Variants in TENM2 observed in about 807,000 individuals in gnomAD.
TENM2 encodes teneurin transmembrane protein 2.
A neutral mutation model predicts 245.2 loss-of-function variants in TENM2; 52 were observed. The ratio of observed to expected loss-of-function variants is 0.21; its 90% CI spans 0.17 to 0.27. The LOEUF (loss-of-function observed/expected upper bound fraction) is 0.27. TENM2 is among the 10% of genes least tolerant of loss of function. The pLI is 1.00. For missense variants in TENM2, 3,046 were observed against 3,666.8 expected, an observed-to-expected ratio of 0.83 and a Z score of 4.37; for synonymous variants, 1,363 against 1,438.9, an observed-to-expected ratio of 0.95 and a Z score of 1.19.
the TENM2 span, among the ~76,000 whole-genome samples, chr5:167,244,825 T>C: frequency 1.3e-5 from 2 of 152,110 alleles, no homozygotes; most frequent in African/African-American, 4.8e-5. Context: ...CAGAGTGCCA[T>C]CCTGTGGCCT....
At chr5:167,709,980 G>A (rs920706038) in intron 2 of TENM2, among the ~76,000 whole-genome samples, 13 of 152,252 alleles carry the variant, frequency 8.5e-5, no homozygotes, top group East Asian at 1.9e-4. Flanking sequence ...TTGGGATCTC[G>A]AACTTCTGGA....
chr5:167,482,826 C>G (rs929021802), intron 2 of TENM2, among the ~76,000 whole-genome samples: 4 of 152,202 alleles, frequency 2.6e-5, no homozygotes, highest in Admixed American at 6.5e-5. Flanking sequence ...ACAGTGCTTA[C>G]TCAGTGTCTG....
chr5:167,121,053 C>T, the TENM2 span, among the ~76,000 whole-genome samples: 9 of 152,032 alleles, frequency 5.9e-5, no homozygotes, highest in African/African-American at 1.4e-4. Flanking sequence ...ACTTAACTCT[C>T]GGTGGCAAGA....
chr5:167,850,466 G>A (rs565937922), intron 2 of TENM2, among the ~76,000 whole-genome samples: 1 of 152,260 alleles, frequency 6.6e-6, no homozygotes, highest in Non-Finnish European at 1.5e-5. Context: ...TACTAGAACA[G>A]ACTCGGGACT....
chr5:168,019,735 C>A (rs769963980), intron 5 of TENM2, among the ~76,000 whole-genome samples: 1 of 152,224 alleles, frequency 6.6e-6, no homozygotes, highest in Non-Finnish European at 1.5e-5. Flanking sequence ...ACAAAAGATG[C>A]ACTTCCTAAG....
chr5:167,708,640 C>A (rs987703749), intron 2 of TENM2, among the ~76,000 whole-genome samples: 15 of 152,086 alleles, frequency 9.9e-5, no homozygotes, highest in Admixed American at 9.8e-4. Flanking sequence ...GAGAGGGCAG[C>A]CACAAGGAGG....
intron 3 of TENM2, among the ~76,000 whole-genome samples, chr5:167,876,616 G>A (rs764725924): frequency 3.3e-5 from 5 of 152,082 alleles, no homozygotes; most frequent in Non-Finnish European, 5.9e-5. Context: ...GTTGTTGTTT[G>A]TTTGTTTGTT....
At chr5:167,676,465 T>C (rs1756338696) in intron 2 of TENM2, among the ~76,000 whole-genome samples, 1 of 152,134 alleles carries the variant, frequency 6.6e-6, no homozygotes, top group Non-Finnish European at 1.5e-5. Flanking sequence ...TAATGTCTGG[T>C]ACTCAAGAGT....
At chr5:168,236,771 T>C (rs571887875) in intron 25 of TENM2, among the ~76,000 whole-genome samples, 179 of 150,336 alleles carry the variant, frequency 1.2e-3, no homozygotes, top group African/African-American at 4.2e-3. Context: ...CCAGTAAATA[T>C]TGAATGAAAG....
chr5:167,131,882 G>A, the TENM2 span, among the ~76,000 whole-genome samples: 5 of 152,080 alleles, frequency 3.3e-5, no homozygotes, highest in African/African-American at 4.8e-5. Context: ...GAGTGCAATG[G>A]TGCGATCTCA....
At chr5:167,588,535 T>C (rs1775660926) in intron 2 of TENM2, among the ~76,000 whole-genome samples, 1 of 152,224 alleles carries the variant, frequency 6.6e-6, no homozygotes, top group Non-Finnish European at 1.5e-5. Context: ...GGGATATTGT[T>C]TTCTTTTGAT....
intron 1 of TENM2, among the ~76,000 whole-genome samples, chr5:167,365,086 A>G (rs1175621381): frequency 6.6e-6 from 1 of 152,048 alleles, no homozygotes; most frequent in African/African-American, 2.4e-5. Flanking sequence ...CAAGATGGAA[A>G]TCCTGGAGAG....
intron 5 of TENM2, among the ~76,000 whole-genome samples, chr5:168,031,847 A>G (rs576998174): frequency 6.6e-6 from 1 of 152,048 alleles, no homozygotes; most frequent in South Asian, 2.1e-4. Flanking sequence ...GAAAGAAAAA[A>G]GCTTTCCCAA....
chr5:168,141,293 C>T (rs150704106), intron 12 of TENM2, among the ~76,000 whole-genome samples: 45 of 152,278 alleles, frequency 3.0e-4, no homozygotes, highest in Non-Finnish European at 5.3e-4. Flanking sequence ...GGGAACAGTT[C>T]CCAGCATGAT....
chr5:168,075,155 C>T (rs56133446), intron 7 of TENM2, among the ~76,000 whole-genome samples: 23,365 of 152,096 alleles, frequency 0.15, 2,265 homozygotes, highest in African/African-American at 0.28. Flanking sequence ...CCTCAAAGCT[C>T]AGCTCCCACT....
chr5:167,248,982 A>G, the TENM2 span, among the ~76,000 whole-genome samples: 1 of 152,160 alleles, frequency 6.6e-6, no homozygotes, highest in Non-Finnish European at 1.5e-5. Flanking sequence ...ATCAGTAAAG[A>G]GTGAATAGGC....
At chr5:167,266,449 T>C in the TENM2 span, among the ~76,000 whole-genome samples, 1 of 152,264 alleles carries the variant, frequency 6.6e-6, no homozygotes, top group East Asian at 1.9e-4. Flanking sequence ...ATTCTTAAAA[T>C]CTGAGTTCTG....
chr5:168,013,929 G>C (rs999261612), intron 5 of TENM2, among the ~76,000 whole-genome samples: 2 of 152,156 alleles, frequency 1.3e-5, no homozygotes, highest in African/African-American at 4.8e-5. Context: ...GTTTGTGGCA[G>C]CACAACTCCA....
At chr5:167,230,133 G>A in the TENM2 span, among the ~76,000 whole-genome samples, 13 of 152,096 alleles carry the variant, frequency 8.5e-5, no homozygotes, top group South Asian at 2.1e-4. Context: ...CTTAGGGCTC[G>A]GGGGCTTGTA....
Sources: gnomAD v4.1 joint callset for allele counts (sites outside exome capture counted in the v4.1 genomes callset) on GRCh38, gnomAD v4.1.1 for gene constraint, MANE v1.5 for transcripts, NCBI Gene and HGNC (gene_info 2026-07-23, HGNC 2026-07-21) for gene names.